The following RBFOX3 variants were observed in gnomAD, a reference collection of about 807,000 sequenced individuals.
RBFOX3 encodes RNA binding fox-1 homolog 3.
Under a neutral mutation model 48.7 loss-of-function variants are expected in RBFOX3, and 17 were observed. The observed-to-expected ratio is 0.35, with a 90% confidence interval of 0.24 to 0.52. The LOEUF (loss-of-function observed/expected upper bound fraction) is 0.52. RBFOX3 is among the 20% of genes least tolerant of loss of function. The pLI is 0.94. For missense variants in RBFOX3, 382 were observed against 497.5 expected, an observed-to-expected ratio of 0.77 and a Z score of 2.21; for synonymous variants, 212 against 209.5, an observed-to-expected ratio of 1.01 and a Z score of -0.10.
chr17:79,130,188 A>G (rs2038463511), intron 4 of RBFOX3, among the ~76,000 whole-genome samples: 1 of 152,092 alleles, frequency 6.6e-6, no homozygotes, highest in African/African-American at 2.4e-5. Context: ...ACTGCATATT[A>G]CTTCATTCAG....
At chr17:79,407,829 CA>C (rs1191856413) in intron 2 of RBFOX3, among the ~76,000 whole-genome samples, 1 of 152,218 alleles carries the variant, frequency 6.6e-6, no homozygotes, top group Non-Finnish European at 1.5e-5. Context: ...CCCCTGTTCT[CA>C]GAGTCCTCTT....
chr17:79,464,100 T>C (rs555324924), intron 2 of RBFOX3, among the ~76,000 whole-genome samples: 1 of 152,356 alleles, frequency 6.6e-6, no homozygotes, highest in East Asian at 1.9e-4. Flanking sequence ...GGAACTTGAC[T>C]GCTGCTTTGC....
chr17:79,280,427 C>T (rs1413083344), intron 3 of RBFOX3, among the ~76,000 whole-genome samples: 1 of 152,206 alleles, frequency 6.6e-6, no homozygotes, highest in African/African-American at 2.4e-5. Flanking sequence ...ACAGGACACA[C>T]ACACGCTGGA....
At chr17:79,366,230 T>G (rs963728355) in intron 2 of RBFOX3, among the ~76,000 whole-genome samples, 1 of 152,230 alleles carries the variant, frequency 6.6e-6, no homozygotes, top group African/African-American at 2.4e-5. Context: ...GGCACCGCAC[T>G]AGTCTTTCTG....
At chr17:79,281,967 C>T (rs975571603) in intron 3 of RBFOX3, among the ~76,000 whole-genome samples, 11 of 152,088 alleles carry the variant, frequency 7.2e-5, no homozygotes, top group Non-Finnish European at 1.3e-4. Context: ...CATCACTGAG[C>T]GGGTCCGTGG....
intron 3 of RBFOX3, among the ~76,000 whole-genome samples, chr17:79,273,831 G>A (rs57988656): frequency 0.034 from 5,210 of 152,296 alleles, 284 homozygotes; most frequent in African/African-American, 0.12. Flanking sequence ...CTGCCACAGT[G>A]ACAGGCAGTA....
the RBFOX3 span, among the ~76,000 whole-genome samples, chr17:79,616,907 G>A: frequency 6.6e-6 from 1 of 152,148 alleles, no homozygotes; most frequent in African/African-American, 2.4e-5. Flanking sequence ...GGTCAGAGAC[G>A]CCAACCAGCT....
Position 79,421,122 on chromosome 17 carries a change from G to A in RBFOX3, c.-175+61332C>T, listed in dbSNP as rs2066291698. 6.6e-6 allele frequency among the ~76,000 whole-genome samples: 1 copy of A among 152,146 alleles called. No individual in the cohort carries two copies. The highest frequency in any genetic ancestry group is 1.9e-4 in the East Asian group (1 of 5,158). Reference sequence around the variant, plus strand: ...CAGGTGCTGTCAAACATCAGTGCCAGGAAGATGACACCGTCCTGGCTTCAC... The same window carrying A: ...CAGGTGCTGTCAAACATCAGTGCCAAGAAGATGACACCGTCCTGGCTTCAC... On this transcript the variant is annotated intron_variant, in intron 2 of 14. Transcript: ENST00000693108. This position sits in a 1 kb window ranked among gnomAD's most constrained non-coding sequence, Gnocchi z 4.5.
the RBFOX3 span, among the ~76,000 whole-genome samples, chr17:79,659,399 T>G: frequency 1.3e-5 from 2 of 152,118 alleles, no homozygotes; most frequent in Non-Finnish European, 2.9e-5. Context: ...GGGGGTGACT[T>G]GGATCCAGCT....
At chr17:79,338,597 C>T (rs1472707100) in intron 2 of RBFOX3, among the ~76,000 whole-genome samples, 1 of 152,180 alleles carries the variant, frequency 6.6e-6, no homozygotes, top group Non-Finnish European at 1.5e-5. Flanking sequence ...CTGTCATCTG[C>T]ATTGGTTTTC....
intron 2 of RBFOX3, among the ~76,000 whole-genome samples, chr17:79,399,446 C>A (rs372077873): frequency 2.6e-5 from 4 of 151,992 alleles, no homozygotes; most frequent in Admixed American, 6.6e-5. Context: ...GTTTTCCTGG[C>A]GTGACTGCAG....
At chr17:79,420,269 A>G (rs2066093643) in intron 2 of RBFOX3, among the ~76,000 whole-genome samples, 1 of 152,164 alleles carries the variant, frequency 6.6e-6, no homozygotes, top group Non-Finnish European at 1.5e-5. Flanking sequence ...GGTCCCTTTA[A>G]CGTGGAAATG....
intron 2 of RBFOX3, among the ~76,000 whole-genome samples, chr17:79,465,030 G>A (rs545002944): frequency 3.9e-5 from 6 of 152,352 alleles, no homozygotes; most frequent in South Asian, 2.1e-4. Context: ...AGGGTCTCCC[G>A]TTTATGAGCT....
At position 79,252,776 on chromosome 17, in the gene RBFOX3, T is replaced by C. The variant is rs4789972; in HGVS notation, c.-73-16971A>G. 0.97 allele frequency among the ~76,000 whole-genome samples: 148,294 copies of C among 152,278 alleles called. 72,333 individuals are homozygous for C. Among genetic ancestry groups the C allele is most frequent in the Middle Eastern group, 1 (294 of 294 alleles). On this transcript the variant is annotated intron_variant, in intron 3 of 14. Coordinates refer to ENST00000693108, the MANE Select transcript of RBFOX3 (RefSeq NM_001350451.2). This position sits in a 1 kb window ranked among gnomAD's most constrained non-coding sequence, Gnocchi z 4.0. Reference sequence around the variant, plus strand: ...CTGCCCCTCTCAATGCCCCTCTCCTTTCCCTTCCTTTTTGGGTCTTCATGT... The same window carrying C: ...CTGCCCCTCTCAATGCCCCTCTCCTCTCCCTTCCTTTTTGGGTCTTCATGT...
intron 2 of RBFOX3, among the ~76,000 whole-genome samples, chr17:79,446,747 A>C (rs1234053509): frequency 1.3e-5 from 2 of 152,192 alleles, no homozygotes; most frequent in Non-Finnish European, 2.9e-5. Context: ...CGCTCTCAGC[A>C]CACGGCCTAT....
At chr17:79,206,775 C>T (rs1446183789) in intron 4 of RBFOX3, among the ~76,000 whole-genome samples, 4 of 152,176 alleles carry the variant, frequency 2.6e-5, no homozygotes, top group African/African-American at 9.7e-5. Flanking sequence ...CTGGTGGATG[C>T]AACCTTCCCT....
chr17:79,177,750 G>A (rs1287792050), intron 4 of RBFOX3, among the ~76,000 whole-genome samples: 1 of 152,210 alleles, frequency 6.6e-6, no homozygotes, highest in Non-Finnish European at 1.5e-5. Context: ...CTGGGAACTG[G>A]TACATGATTC....
rs1484226487 is a variant in RBFOX3, at chr17:79,500,035, C to T, written c.-319-17437G>A. 5.3e-5 allele frequency among the ~76,000 whole-genome samples: 8 copies of T among 152,238 alleles called. No individual in the cohort carries two copies. The East Asian group carries it at 1.5e-3, about 29-fold the overall frequency. ...ATGGTGAGCCATTTCCAAGCCTAGG[C>T]GAGAAGAAGCCTTGTATGTTTCCAC... On this transcript the variant is annotated intron_variant, in intron 1 of 14. Coordinates refer to ENST00000693108, the MANE Select transcript of RBFOX3 (RefSeq NM_001350451.2).
intron 2 of RBFOX3, among the ~76,000 whole-genome samples, chr17:79,439,451 C>T (rs1338299404): frequency 6.6e-6 from 1 of 152,248 alleles, no homozygotes; most frequent in African/African-American, 2.4e-5. Context: ...AAGGCTCCAT[C>T]CAAACAGCAG....
Sources: gnomAD v4.1 joint callset for allele counts (sites outside exome capture counted in the v4.1 genomes callset) on GRCh38, gnomAD v4.1.1 for gene constraint, Gnocchi (gnomAD v3.1) non-coding constraint, MANE v1.5 for transcripts, NCBI Gene and HGNC (gene_info 2026-07-23, HGNC 2026-07-21) for gene names.